Variants in DLGAP2 observed in about 807,000 individuals in gnomAD.
The protein encoded by DLGAP2 is DLG associated protein 2, also known as disks large-associated protein 2.
DLGAP2 carries 26 observed loss-of-function variants against 100.3 expected under a neutral mutation model. The observed-to-expected ratio is 0.26, with a 90% CI of 0.19 to 0.36. The LOEUF is 0.36. Ranked by LOEUF, DLGAP2 falls within the 10% of genes least tolerant of loss-of-function variation. The pLI is 1.00. For missense variants in DLGAP2, 1,858 were observed against 1,453.2 expected (o/e 1.28, Z -4.53); for synonymous variants, 886 against 630.1 (o/e 1.41, Z -6.08).
chr8:1,221,617 A>G (rs1798316007), intron 2 of DLGAP2, among the ~76,000 whole-genome samples: 1 of 151,972 alleles, frequency 6.6e-6, no homozygotes, highest in East Asian at 1.9e-4. Flanking sequence ...GGTTCTCTGA[A>G]TTTCCTGAAT....
chr8:1,468,117 A>AG (rs1798675689), intron 3 of DLGAP2, among the ~76,000 whole-genome samples: 1 of 152,250 alleles, frequency 6.6e-6, no homozygotes, highest in Admixed American at 6.5e-5. Flanking sequence ...CCAGGGTCAC[A>AG]GGAGCAGGGA....
intron 5 of DLGAP2, among the ~76,000 whole-genome samples, chr8:1,561,852 G>A (rs11993643): frequency 3.7e-5 from 1 of 26,786 alleles, no homozygotes; most frequent in Non-Finnish European, 6.9e-5. Flanking sequence ...TCCGCGCCTC[G>A]TTACTGGGGG....
intron 6 of DLGAP2, among the ~76,000 whole-genome samples, chr8:1,579,475 C>T (rs1339467446): frequency 6.6e-6 from 1 of 151,862 alleles, no homozygotes; most frequent in Non-Finnish European, 1.5e-5. Flanking sequence ...TACAAGCCAA[C>T]AAGCAAACTA....
chr8:1,094,085 G>A (rs1056520277), intron 2 of DLGAP2, among the ~76,000 whole-genome samples: 1 of 151,814 alleles, frequency 6.6e-6, no homozygotes, highest in Admixed American at 6.6e-5. Flanking sequence ...GTGGGCGGAG[G>A]GCAGCTCTGT....
intron 4 of DLGAP2, 25 bp from the exon 5 acceptor site, chr8:1,548,601 C>G (rs2906568): frequency 0.5 from 734,621 of 1,463,368 alleles, 186,107 homozygotes; most frequent in South Asian, 0.65. Flanking sequence ...TCCGGGTGTT[C>G]AATGCCGTTT....
At chr8:1,210,260 G>C (rs1233116338) in intron 2 of DLGAP2, among the ~76,000 whole-genome samples, 1 of 152,184 alleles carries the variant, frequency 6.6e-6, no homozygotes, top group African/African-American at 2.4e-5. Context: ...GCTTAGGGCA[G>C]GGTGATGTTG....
intron 2 of DLGAP2, among the ~76,000 whole-genome samples, chr8:1,041,996 G>A (rs1368097952): frequency 1.3e-5 from 2 of 152,168 alleles, no homozygotes; most frequent in Non-Finnish European, 1.5e-5. Context: ...CTCGGCTGTC[G>A]AGGTAATTCT....
At chr8:1,292,426 G>T (rs1488695448) in intron 3 of DLGAP2, among the ~76,000 whole-genome samples, 1 of 152,200 alleles carries the variant, frequency 6.6e-6, no homozygotes, top group African/African-American at 2.4e-5. Flanking sequence ...ATGGGACAGT[G>T]CGCTGTCTTT....
intron 3 of DLGAP2, among the ~76,000 whole-genome samples, chr8:1,407,092 C>A (rs1304018614): frequency 2.1e-4 from 5 of 24,064 alleles, no homozygotes; most frequent in Admixed American, 4.4e-4. Context: ...ACTGAGCGCT[C>A]CCTCCTTGTC....
intron 4 of DLGAP2, among the ~76,000 whole-genome samples, chr8:1,546,007 A>G (rs1347747946): frequency 6.6e-6 from 1 of 152,256 alleles, no homozygotes; most frequent in Admixed American, 6.5e-5. Flanking sequence ...TGCAGCTGTA[A>G]AGTCTGGATT....
In DLGAP2 at chr8:1,668,379, A is replaced by G; in HGVS notation, c.1861A>G (p.Thr621Ala). Residue 621 changes from threonine to alanine, a missense_variant, in exon 9 of 15, where the codon ACC (threonine) becomes GCC (alanine). Physicochemically the swap from Thr to Ala is moderately conservative, Grantham distance 58. Coordinates refer to ENST00000637795, the MANE Select transcript of DLGAP2 (RefSeq NM_001346810.2). ...KKTPPPVPPR[T>A]TSKPLISVTA... ...AACGCCCCCACCGGTGCCCCCTCGG[A>G]CCACCTCCAAGCCTCTGATCTCGGT... 6.3e-7 allele frequency: 1 copy of G among 1,587,728 alleles called. No homozygotes were observed. Among genetic ancestry groups the G allele is most frequent in the South Asian group, 1.1e-5 (1 of 87,316 alleles).
At chr8:846,873 A>G (rs554785015) in intron 1 of DLGAP2, among the ~76,000 whole-genome samples, 1 of 152,274 alleles carries the variant, frequency 6.6e-6, no homozygotes, top group Admixed American at 6.5e-5. Context: ...GAGCACATCC[A>G]TGTCTGGCTT....
chr8:1,536,294 G>A (rs553765984), intron 4 of DLGAP2, among the ~76,000 whole-genome samples: 1 of 152,186 alleles, frequency 6.6e-6, no homozygotes, highest in African/African-American at 2.4e-5. Context: ...AGTGACTGAC[G>A]ACTTCCCGGG....
At chr8:913,596 TA>T (rs1429730739) in intron 2 of DLGAP2, among the ~76,000 whole-genome samples, 4 of 152,240 alleles carry the variant, frequency 2.6e-5, no homozygotes, top group Non-Finnish European at 1.5e-5. Flanking sequence ...CATGCCTTTT[TA>T]TAATGCTTTC....
intron 1 of DLGAP2, among the ~76,000 whole-genome samples, chr8:768,217 G>A (rs147583989): frequency 3.3e-5 from 5 of 152,262 alleles, no homozygotes; most frequent in African/African-American, 1.2e-4. Flanking sequence ...ACTGCCACAT[G>A]CTGGTCAGAC....
At chr8:1,285,669 A>G (rs1383336761) in intron 3 of DLGAP2, among the ~76,000 whole-genome samples, 2 of 152,248 alleles carry the variant, frequency 1.3e-5, no homozygotes, top group African/African-American at 4.8e-5. Flanking sequence ...GTGATAGGCC[A>G]TAAATACACC....
At chr8:978,674 G>T (rs1291842614) in intron 2 of DLGAP2, among the ~76,000 whole-genome samples, 1 of 151,918 alleles carries the variant, frequency 6.6e-6, no homozygotes, top group Non-Finnish European at 1.5e-5. Flanking sequence ...TTGGTGTTGT[G>T]GGGAGGGCGT....
At chr8:1,048,317 G>A (rs531977613) in intron 2 of DLGAP2, among the ~76,000 whole-genome samples, 30 of 152,132 alleles carry the variant, frequency 2.0e-4, no homozygotes, top group Non-Finnish European at 3.7e-4. Flanking sequence ...CATGCAGGAA[G>A]TAAATCAAGG....
At position 1,287,767 on chromosome 8, in the gene DLGAP2, GTGTGTGTGTGTGTC is replaced by G. The variant is rs1436226992; in HGVS notation, c.106+28892_106+28905del. Reference sequence around the variant, plus strand: ...GGGAACTAGTTTTGGTTCAGCGTGTGTGTGTGTGTGTGTCTGTGTGTATGTGTGTGTGGTTCTGT... The same window carrying G: ...GGGAACTAGTTTTGGTTCAGCGTGTGTGTGTGTATGTGTGTGTGGTTCTGT... On this transcript the variant is annotated intron_variant, in intron 3 of 14. Transcript: ENST00000637795. Among the ~76,000 whole-genome samples, 111 of 49,016 alleles carry G rather than the reference GTGTGTGTGTGTGTC, an allele frequency of 2.3e-3. 7 individuals are homozygous for G. The highest frequency in any genetic ancestry group is 3.9e-3 in the Non-Finnish European group (99 of 25,528). The allele number at this position is 49,016 out of a possible 152,430, so 32.2% of individuals were successfully genotyped here.
Sources: gnomAD v4.1 joint callset for allele counts (sites outside exome capture counted in the v4.1 genomes callset) on GRCh38, gnomAD v4.1.1 for gene constraint, MANE v1.5 for transcripts, NCBI Gene and HGNC (gene_info 2026-07-23, HGNC 2026-07-21) for gene names.